The following CKAP4 variants were observed in gnomAD, a reference collection of about 807,000 sequenced individuals.
The protein encoded by CKAP4 is cytoskeleton associated protein 4.
CKAP4 carries 20 observed loss-of-function variants against 24.4 expected under a neutral mutation model. That is an observed-to-expected ratio of 0.82 (90% CI 0.58 to 1.19). The LOEUF (loss-of-function observed/expected upper bound fraction) is 1.19. Ranked by LOEUF, CKAP4 falls within the 50% of genes most tolerant of loss-of-function variation. The probability of loss-of-function intolerance (pLI) is 0.00; values close to 1 mark genes in which losing one functional copy is unlikely to be tolerated. For missense variants in CKAP4, 744 were observed against 765.3 expected (o/e 0.97, Z 0.33); for synonymous variants, 378 against 351.7 (o/e 1.07, Z -0.84).
chr12:106,240,894 A>C (rs2033964577), intron 1 of CKAP4, among the ~76,000 whole-genome samples: 1 of 152,136 alleles, frequency 6.6e-6, no homozygotes. Flanking sequence ...GAAATTTTTC[A>C]ATCAAATATA....
At position 106,238,318 on chromosome 12, in the gene CKAP4, C is replaced by CGGCAGT. The variant is rs1340754981; in HGVS notation, c.*700_*705dup. 6.5e-6 allele frequency: 1 copy of CGGCAGT among 152,718 alleles called. No homozygotes were observed. The highest frequency in any genetic ancestry group is 1.9e-4 in the East Asian group (1 of 5,180). 9.5% of individuals were successfully genotyped at this position (152,718 alleles called of 1,614,324 possible). A position where few individuals can be genotyped will look rare whatever the true frequency, so the allele number is the denominator to read the frequency against. On this transcript the variant is annotated 3_prime_UTR_variant, in exon 2 of 2. Transcript: ENST00000378026. ...TGACCTCCGGAGAGAGAACATGGGC[C>CGGCAGT]GGCAGTGGGGACAGAGGGCACCGGG...
chr12:106,241,624 C>T (rs957893781), intron 1 of CKAP4, among the ~76,000 whole-genome samples: 9 of 152,162 alleles, frequency 5.9e-5, no homozygotes, highest in African/African-American at 9.7e-5. Flanking sequence ...TGAGCCACCG[C>T]GCCTGGCCTC....
Position 106,247,081 on chromosome 12 carries a change from G to T in CKAP4, c.483+288C>A. On this transcript the variant is annotated intron_variant, in intron 1 of 1. Coordinates refer to ENST00000378026, the MANE Select transcript of CKAP4 (RefSeq NM_006825.4). The surrounding 1 kb of genome is among the most constrained non-coding windows in gnomAD (Gnocchi z 4.5). ...GGTCACCGCTAATGCCCTGTGACAG[G>T]CCCTTGGCCCACCCTGCCAGGCGGG... is the stretch of plus-strand genomic sequence containing the variant. 2.7e-6 allele frequency: 1 copy of T among 377,114 alleles called. No individual in the cohort carries two copies. The highest frequency in any genetic ancestry group is 4.8e-6 in the Non-Finnish European group (1 of 206,540). 23.4% of individuals were successfully genotyped at this position (377,114 alleles called of 1,614,324 possible).
chr12:106,238,488 A>C lies in CKAP4; in HGVS notation c.*536T>G, dbSNP rs1418082210. 1 of 153,684 alleles carries C rather than the reference A, an allele frequency of 6.5e-6. No homozygotes were observed. Among genetic ancestry groups the C allele is most frequent in the Non-Finnish European group, 1.5e-5 (1 of 68,904 alleles). 9.5% of individuals were successfully genotyped at this position (153,684 alleles called of 1,614,324 possible). ...TCAAGCAGCGGATTCCTTTCAAAGAAAGACCCAGGGGCTTCTCCCCTCCTC... is the reference window on the plus strand; with the variant it reads ...TCAAGCAGCGGATTCCTTTCAAAGACAGACCCAGGGGCTTCTCCCCTCCTC... On this transcript the variant is annotated 3_prime_UTR_variant, in exon 2 of 2. Coordinates refer to ENST00000378026, the MANE Select transcript of CKAP4 (RefSeq NM_006825.4).
At position 106,239,823 on chromosome 12, in the gene CKAP4, G is replaced by A. The variant is rs543189103; in HGVS notation, c.1010C>T (p.Ala337Val). The change falls in exon 2 of 2, where the codon GCT (alanine) becomes GTT (valine). Residue 337 changes from alanine (A) to valine (V), a missense_variant. Ala to Val is a moderately conservative substitution (Grantham distance 64, BLOSUM62 0). Transcript: ENST00000378026. The surrounding 1 kb of genome is among the most constrained non-coding windows in gnomAD (Gnocchi z 4.9). ...CTCCGTGTCGGCCGCCTCCTTGAAAGCCTGCTGCTCCTGCTTGAGGCTCAC... is the reference window on the plus strand; with the variant it reads ...CTCCGTGTCGGCCGCCTCCTTGAAAACCTGCTGCTCCTGCTTGAGGCTCAC... ...ELVSLKQEQQAFKEAADTERL... is the reference protein window; with the variant it reads ...ELVSLKQEQQVFKEAADTERL... 4.3e-6 allele frequency: 7 copies of A among 1,614,132 alleles called. No individual in the cohort carries two copies. Among genetic ancestry groups the A allele is most frequent in the Admixed American group, 3.3e-5 (2 of 60,022 alleles).
In CKAP4 at chr12:106,247,068, TGCCCTGTGACAGG is replaced by T. The variant is rs2034018069; in HGVS notation, c.483+288_483+300del. On this transcript the variant is annotated intron_variant, in intron 1 of 1. Transcript: ENST00000378026. The surrounding 1 kb of genome is among the most constrained non-coding windows in gnomAD (Gnocchi z 4.5). Reference sequence around the variant, plus strand: ...CGGCTTCCTTACAGGTCACCGCTAATGCCCTGTGACAGGCCCTTGGCCCACCCTGCCAGGCGGG... The same window carrying T: ...CGGCTTCCTTACAGGTCACCGCTAATCCCTTGGCCCACCCTGCCAGGCGGG... The T allele has an allele frequency of 3.0e-6, 1 of 337,802 alleles. No homozygotes were observed. The highest frequency in any genetic ancestry group is 5.5e-6 in the Non-Finnish European group (1 of 182,640). 20.9% of individuals were successfully genotyped at this position (337,802 alleles called of 1,614,324 possible). A position where few individuals can be genotyped will look rare whatever the true frequency, so the allele number is the denominator to read the frequency against.
Position 106,240,096 on chromosome 12 carries a change from T to C in CKAP4, c.737A>G (p.Lys246Arg), listed in dbSNP as rs377084647. ...GATGGCGATGTTGTCGTTGATGGAT[T>C]TGGTGAGCTCCGTCAGCCGCTCCTC... Reference protein sequence around the residue: ...TVEERLTELTKSINDNIAIFT... With the variant: ...TVEERLTELTRSINDNIAIFT... The change falls in exon 2 of 2, where the codon AAA (lysine) becomes AGA (arginine). Residue 246 changes from lysine (K) to arginine (R), a missense_variant. Lys to Arg is a conservative substitution (Grantham distance 26, BLOSUM62 2). Around this residue, in one of 3 missense-constraint regions of CKAP4, gnomAD observed 43 missense variants for 76.4 expected, o/e 0.56. Transcript: ENST00000378026. The C allele has an allele frequency of 1.2e-4, 197 of 1,614,178 alleles. 1 individual carries two copies. Among genetic ancestry groups the C allele is most frequent in the Middle Eastern group, 4.9e-4 (3 of 6,062 alleles).
At position 106,247,261 on chromosome 12, in the gene CKAP4, G is replaced by T; in HGVS notation, c.483+108C>A. The T allele has an allele frequency of 9.9e-7, 1 of 1,014,936 alleles. No homozygotes were observed. Among genetic ancestry groups the T allele is most frequent in the Non-Finnish European group, 1.4e-6 (1 of 736,708 alleles). 62.9% of individuals were successfully genotyped at this position (1,014,936 alleles called of 1,614,324 possible). ...GGAGGAGCGGCCGGCTCCCGCCTCC[G>T]GGCCTGGGCAGGCAGCGCTAGGGGC... On this transcript the variant is annotated intron_variant, in intron 1 of 1. Coordinates refer to ENST00000378026, the MANE Select transcript of CKAP4 (RefSeq NM_006825.4). This position sits in a 1 kb window ranked among gnomAD's most constrained non-coding sequence, Gnocchi z 4.5.
chr12:106,238,810 T>G lies in CKAP4; in HGVS notation c.*214A>C. On this transcript the variant is annotated 3_prime_UTR_variant, in exon 2 of 2. Coordinates refer to ENST00000378026, the MANE Select transcript of CKAP4 (RefSeq NM_006825.4). ...ACCTGTTATTCACAGGGGCTGCGCT[T>G]CAGGAAACCAACCAAATGCAGAAGC... The G allele has an allele frequency of 1.7e-6, 1 of 577,124 alleles. No homozygotes were observed. Among genetic ancestry groups the G allele is most frequent in the Non-Finnish European group, 3.0e-6 (1 of 327,914 alleles). The allele number at this position is 577,124 out of a possible 1,614,324, so 35.8% of individuals were successfully genotyped here. A position where few individuals can be genotyped will look rare whatever the true frequency, so the allele number is the denominator to read the frequency against.
chr12:106,240,253 C>T lies in CKAP4; in HGVS notation c.580G>A (p.Glu194Lys). Residue 194 changes from glutamate to lysine, a missense_variant, in exon 2 of 2, where the codon GAG (glutamate) becomes AAG (lysine). Transcript: ENST00000378026. ...DLTEKAVKQGESEVSRISEVL... is the reference protein window; with the variant it reads ...DLTEKAVKQGKSEVSRISEVL... ...TCGCTGATCCGGCTGACCTCACTCTCCCCTTGCTTCACAGCTTTCTCTGTG... is the reference window on the plus strand; with the variant it reads ...TCGCTGATCCGGCTGACCTCACTCTTCCCTTGCTTCACAGCTTTCTCTGTG... 1 of 1,614,206 alleles carries T rather than the reference C, an allele frequency of 6.2e-7. No individual in the cohort carries two copies. The highest frequency in any genetic ancestry group is 1.1e-5 in the South Asian group (1 of 91,084).
In CKAP4 at chr12:106,247,576, G is replaced by A; in HGVS notation, c.276C>T (p.Ala92=). 1 of 1,423,136 alleles carries A rather than the reference G, an allele frequency of 7.0e-7. No individual in the cohort carries two copies. Among genetic ancestry groups the A allele is most frequent in the East Asian group, 3.0e-5 (1 of 32,852 alleles). The allele number at this position is 1,423,136 out of a possible 1,614,324, so 88.2% of individuals were successfully genotyped here. ...AGCAGGACGCCGAGGACGAGGCGGC[G>A]GCGGCGGCAGCGGCGGCGGAGGCGG... ...SSSASAAAAA[A]AASSSASCSR... is the part of the protein sequence containing the mutation. Residue 92 remains alanine (A), a synonymous_variant, in exon 1 of 2, where the codon GCC becomes GCT. Coordinates refer to ENST00000378026, the MANE Select transcript of CKAP4 (RefSeq NM_006825.4). The surrounding 1 kb of genome is among the most constrained non-coding windows in gnomAD (Gnocchi z 4.5).
intron 1 of CKAP4, chr12:106,245,639 G>A (rs1487269831): frequency 8.4e-6 from 1 of 119,466 alleles, no homozygotes; most frequent in African/African-American, 3.2e-5. Context: ...CTGTTGCCCC[G>A]GCTGGGGTGC....
At position 106,240,369 on chromosome 12, in the gene CKAP4, G is replaced by A. The variant is rs370274273; in HGVS notation, c.484-20C>T. 3.8e-5 allele frequency: 60 copies of A among 1,598,918 alleles called. No individual in the cohort carries two copies. The highest frequency in any genetic ancestry group is 7.8e-5 in the South Asian group (7 of 89,804). ...CTGCACCTGTAATCAAAATCCAGAC[G>A]TTAATTGCTGAGAAGAGCTGATGAG... On this transcript the variant is annotated intron_variant, in intron 1 of 1. Transcript: ENST00000378026.
At chr12:106,242,464 T>C (rs1263955917) in intron 1 of CKAP4, among the ~76,000 whole-genome samples, 1 of 152,188 alleles carries the variant, frequency 6.6e-6, no homozygotes, top group Non-Finnish European at 1.5e-5. Flanking sequence ...CACATTCACT[T>C]TCCGAGTCCC....
At chr12:106,244,029 A>C (rs1347774299) in intron 1 of CKAP4, among the ~76,000 whole-genome samples, 1 of 152,238 alleles carries the variant, frequency 6.6e-6, no homozygotes, top group Admixed American at 6.5e-5. Context: ...GAGTTATAAA[A>C]GGGTTCAAAC....
At position 106,238,835 on chromosome 12, in the gene CKAP4, C is replaced by T. The variant is rs902177405; in HGVS notation, c.*189G>A. 4 of 652,966 alleles carry T rather than the reference C, an allele frequency of 6.1e-6. No homozygotes were observed. In the African/African-American group the frequency reaches 7.3e-5, roughly 12 times the overall value. 40.4% of individuals were successfully genotyped at this position (652,966 alleles called of 1,614,324 possible). On this transcript the variant is annotated 3_prime_UTR_variant, in exon 2 of 2. Coordinates refer to ENST00000378026, the MANE Select transcript of CKAP4 (RefSeq NM_006825.4). ...TCAGGAAACCAACCAAATGCAGAAGCAGAGAACTTAAATATTGTAAATAAG... is the reference window on the plus strand; with the variant it reads ...TCAGGAAACCAACCAAATGCAGAAGTAGAGAACTTAAATATTGTAAATAAG...
chr12:106,246,568 C>G (rs11112916), intron 1 of CKAP4: 2 of 152,186 alleles, frequency 1.3e-5, no homozygotes, highest in African/African-American at 4.8e-5. Flanking sequence ...TACGGTGAAA[C>G]TTTGTCTCTA....
chr12:106,238,921 G>A lies in CKAP4; in HGVS notation c.*103C>T, dbSNP rs535824409. The A allele has an allele frequency of 1.5e-5, 19 of 1,269,870 alleles. No homozygotes were observed. The East Asian group carries it at 1.6e-4, about 11-fold the overall frequency. 78.7% of individuals were successfully genotyped at this position (1,269,870 alleles called of 1,614,324 possible). A position where few individuals can be genotyped will look rare whatever the true frequency, so the allele number is the denominator to read the frequency against. On this transcript the variant is annotated 3_prime_UTR_variant, in exon 2 of 2. Coordinates refer to ENST00000378026, the MANE Select transcript of CKAP4 (RefSeq NM_006825.4). Reference sequence around the variant, plus strand: ...AGGTGGTGACAACTGCTCTTTAAGAGGGGACAAGAAATTGGGGGGTAGGGG... The same window carrying A: ...AGGTGGTGACAACTGCTCTTTAAGAAGGGACAAGAAATTGGGGGGTAGGGG...
chr12:106,247,609 G>A lies in CKAP4; in HGVS notation c.243C>T (p.Ser81=), dbSNP rs750623030. ...CAGCGGCGGCGGAGGCGGAGGAGGA[G>A]GAGGAGGACTTGCCGCCGCCGCCGC... The part of the protein sequence containing the change: ...GGGGGGGKSS[S]SSSASAAAAA... The change falls in exon 1 of 2, where the codon TCC becomes TCT. Residue 81 remains serine, a synonymous_variant. Transcript: ENST00000378026. The surrounding 1 kb of genome is among the most constrained non-coding windows in gnomAD (Gnocchi z 4.5). 2 of 1,303,002 alleles carry A rather than the reference G, an allele frequency of 1.5e-6. No individual in the cohort carries two copies. Among genetic ancestry groups the A allele is most frequent in the Admixed American group, 3.0e-5 (1 of 33,038 alleles). 80.7% of individuals were successfully genotyped at this position (1,303,002 alleles called of 1,614,324 possible).
Sources: allele counts gnomAD v4.1 joint callset (sites outside exome capture counted in the v4.1 genomes callset), GRCh38; gene constraint gnomAD v4.1.1; regional missense constraint gnomAD v4.1.1; non-coding constraint Gnocchi (gnomAD v3.1); transcripts MANE v1.5; gene names NCBI Gene and HGNC (gene_info 2026-07-23, HGNC 2026-07-21).